The following PRKG1 variants were observed in gnomAD, a reference collection of about 807,000 sequenced individuals.
The protein encoded by PRKG1 is cGMP-dependent protein kinase 1.
PRKG1 carries 35 observed loss-of-function variants against 88.1 expected under a neutral mutation model. That is an observed-to-expected ratio of 0.40 (90% CI 0.30 to 0.53). The LOEUF is 0.53. PRKG1 is among the 20% of genes least tolerant of loss of function. PRKG1 has a pLI of 0.59. For missense variants in PRKG1, 540 were observed against 839.8 expected (o/e 0.64, Z 4.41); for synonymous variants, 303 against 292.5 (o/e 1.04, Z -0.37).
chr10:51,899,376 T>A (rs933073913), intron 4 of PRKG1, among the ~76,000 whole-genome samples: 1 of 151,656 alleles, frequency 6.6e-6, no homozygotes, highest in South Asian at 2.1e-4. Flanking sequence ...CAAAAAAAAA[T>A]AAAATAGAAA....
At chr10:51,820,574 C>T (rs1839717746) in intron 4 of PRKG1, among the ~76,000 whole-genome samples, 1 of 152,096 alleles carries the variant, frequency 6.6e-6, no homozygotes, top group African/African-American at 2.4e-5. Flanking sequence ...AGCCTAGGAC[C>T]ACACCCCACA....
rs142910329 is a variant in PRKG1 at position 51,972,145 on chromosome 10, T to C, written c.762+64575T>C. On this transcript the variant is annotated intron_variant, in intron 5 of 17. Coordinates refer to ENST00000373980, the MANE Select transcript of PRKG1 (RefSeq NM_006258.4). ...TGTTCTTACCCTTTTATGATATGTA[T>C]GAGCATGTGTAATAATATGTTTCAT... is the stretch of plus-strand genomic sequence containing the variant. 4.8e-4 allele frequency among the ~76,000 whole-genome samples: 73 copies of C among 152,320 alleles called. 2 individuals are homozygous for C. The East Asian group carries it at 0.013, about 27-fold the overall frequency.
In PRKG1 at chr10:52,102,890, A is replaced by G. The variant is rs377104335; in HGVS notation, c.936-30950A>G. On this transcript the variant is annotated intron_variant, in intron 7 of 17. Coordinates refer to ENST00000373980, the MANE Select transcript of PRKG1 (RefSeq NM_006258.4). ...AGCAAATGGTGAGAGAACTGGTACC[A>G]TATAGCTGGGGTCCCCAACTCCTGG... Among the ~76,000 whole-genome samples, 41 of 152,264 alleles carry G rather than the reference A, an allele frequency of 2.7e-4. No individual in the cohort carries two copies. The East Asian group carries it at 7.7e-3, about 29-fold the overall frequency.
intron 3 of PRKG1, among the ~76,000 whole-genome samples, chr10:51,769,434 C>T (rs1838248596): frequency 6.6e-6 from 1 of 152,140 alleles, no homozygotes; most frequent in African/African-American, 2.4e-5. Flanking sequence ...AAATCATTTA[C>T]AGTTATTTTC....
chr10:51,862,436 C>T (rs1840904891), intron 4 of PRKG1, among the ~76,000 whole-genome samples: 1 of 152,062 alleles, frequency 6.6e-6, no homozygotes, highest in Admixed American at 6.5e-5. Context: ...GTGAGCCAGT[C>T]AGGGAAGAAT....
chr10:51,457,128 CAT>C (rs1434066580), intron 2 of PRKG1, among the ~76,000 whole-genome samples: 9 of 152,298 alleles, frequency 5.9e-5, no homozygotes, highest in South Asian at 2.1e-4. Flanking sequence ...CTTGCACACA[CAT>C]GTTTATAGCA....
At chr10:51,110,341 T>C (rs1267374858) in intron 1 of PRKG1, among the ~76,000 whole-genome samples, 5 of 152,180 alleles carry the variant, frequency 3.3e-5, no homozygotes, top group African/African-American at 4.8e-5. Context: ...CTGTGATATA[T>C]GCACACATGA....
intron 4 of PRKG1, among the ~76,000 whole-genome samples, chr10:51,816,097 CA>C (rs1440495076): frequency 5.3e-5 from 8 of 152,088 alleles, no homozygotes; most frequent in African/African-American, 1.9e-4. Context: ...ATTTATTTAC[CA>C]ATATGATTTT....
intron 5 of PRKG1, among the ~76,000 whole-genome samples, chr10:51,990,521 G>A (rs1767523692): frequency 6.6e-6 from 1 of 151,520 alleles, no homozygotes; most frequent in African/African-American, 2.4e-5. Context: ...TATGATTATG[G>A]TATTTAATAT....
At chr10:51,818,921 G>A (rs7077147) in intron 4 of PRKG1, among the ~76,000 whole-genome samples, 1 of 123,018 alleles carries the variant, frequency 8.1e-6, no homozygotes, top group South Asian at 2.5e-4. Context: ...GCAGGAGAAT[G>A]GCGTGAACCC....
chr10:52,276,001 A>G (rs1024490534), intron 12 of PRKG1, among the ~76,000 whole-genome samples: 1 of 152,170 alleles, frequency 6.6e-6, no homozygotes, highest in Non-Finnish European at 1.5e-5. Flanking sequence ...CCATTGGTGT[A>G]TAGAAGAGCT....
rs80157666 is a variant in PRKG1 at position 51,392,149 on chromosome 10, T to A, written c.479-75574T>A. Among the ~76,000 whole-genome samples the A allele has an allele frequency of 8.6e-5, 13 of 151,906 alleles. No homozygotes were observed. The South Asian group carries it at 1.9e-3, about 22-fold the overall frequency. On this transcript the variant is annotated intron_variant, in intron 2 of 17. Transcript: ENST00000373980. The stretch of plus-strand genomic sequence containing the variant: ...TTACATGATGAATTTTTTTTTTTTT[T>A]AATTGATCATTCTTGGGTGTTTCTC...
At chr10:52,234,105 T>C (rs1369380402) in intron 9 of PRKG1, among the ~76,000 whole-genome samples, 1 of 152,084 alleles carries the variant, frequency 6.6e-6, no homozygotes, top group Non-Finnish European at 1.5e-5. Context: ...CTGAGGGTCC[T>C]GTCTGTTAGA....
intron 2 of PRKG1, among the ~76,000 whole-genome samples, chr10:51,283,624 C>T (rs1840358748): frequency 6.6e-6 from 1 of 151,972 alleles, no homozygotes; most frequent in South Asian, 2.1e-4. Context: ...GGAGGGGGTA[C>T]CTCAGTTGAA....
intron 2 of PRKG1, among the ~76,000 whole-genome samples, chr10:51,387,205 T>A (rs1837274244): frequency 6.6e-6 from 1 of 151,898 alleles, no homozygotes; most frequent in South Asian, 2.1e-4. Flanking sequence ...AGCAGCCCCA[T>A]AAATGTGGGA....
At chr10:51,580,404 A>G (rs192357149) in intron 3 of PRKG1, among the ~76,000 whole-genome samples, 334 of 152,256 alleles carry the variant, frequency 2.2e-3, no homozygotes, top group African/African-American at 7.4e-3. Context: ...TTGCCAACAC[A>G]TGGTATTATT....
intron 3 of PRKG1, among the ~76,000 whole-genome samples, chr10:51,538,329 G>A (rs978472445): frequency 2.2e-5 from 3 of 136,094 alleles, no homozygotes; most frequent in Non-Finnish European, 4.9e-5. Context: ...AATATATAAT[G>A]TGATGAACAT....
intron 3 of PRKG1, among the ~76,000 whole-genome samples, chr10:51,616,812 A>G (rs926599757): frequency 1.3e-5 from 2 of 152,062 alleles, no homozygotes; most frequent in Non-Finnish European, 2.9e-5. Context: ...CACTGGAAGT[A>G]TTGTAAGTTG....
rs142247930 is a variant in PRKG1 at position 52,041,480 on chromosome 10, T to G, written c.763-13004T>G. ...TTGACTGGTTTTGCTATCAGAGTAA[T>G]GCTGGCCTTGTAGAATGAACTTGGA... On this transcript the variant is annotated intron_variant, in intron 5 of 17. Transcript: ENST00000373980. 1.7e-3 allele frequency among the ~76,000 whole-genome samples: 264 copies of G among 152,310 alleles called. 2 individuals are homozygous for G. The highest frequency in any genetic ancestry group is 5.8e-3 in the African/African-American group (241 of 41,536).
Sources: allele counts gnomAD v4.1 joint callset (sites outside exome capture counted in the v4.1 genomes callset), GRCh38; gene constraint gnomAD v4.1.1; transcripts MANE v1.5; gene names NCBI Gene and HGNC (gene_info 2026-07-23, HGNC 2026-07-21).